The following CUX1 variants were observed in gnomAD, a reference collection of about 807,000 sequenced individuals.
CUX1 encodes cut like homeobox 1, also known as protein CASP.
In CUX1, 31 loss-of-function variants were observed where a neutral mutation model predicts 158.8. The ratio of observed to expected loss-of-function variants is 0.20; its 90% CI spans 0.15 to 0.26. The LOEUF is 0.26. CUX1 is among the 10% of genes least tolerant of loss of function. CUX1 has a pLI of 1.00. For missense variants in CUX1, 1,589 were observed against 2,014.6 expected, an observed-to-expected ratio of 0.79 and a Z score of 4.04; for synonymous variants, 879 against 862.1, an observed-to-expected ratio of 1.02 and a Z score of -0.34.
At chr7:101,823,867 C>G (rs892182985) in intron 1 of CUX1, among the ~76,000 whole-genome samples, 13 of 152,116 alleles carry the variant, frequency 8.5e-5, no homozygotes, top group Non-Finnish European at 1.5e-4. Context: ...GTGTTGACAG[C>G]TTTTTGTTAA....
At chr7:102,243,860 T>C (rs1178307907) in intron 23 of CUX1, among the ~76,000 whole-genome samples, 1 of 151,580 alleles carries the variant, frequency 6.6e-6, no homozygotes, top group Non-Finnish European at 1.5e-5. Flanking sequence ...AAACCCTGCC[T>C]CTACTAAAAA....
chr7:101,882,193 A>T (rs1799789948), intron 1 of CUX1, among the ~76,000 whole-genome samples: 2 of 152,142 alleles, frequency 1.3e-5, no homozygotes. Flanking sequence ...TCAAAAACAA[A>T]CAAACAAAAA....
chr7:101,874,586 G>A (rs1225668280), intron 1 of CUX1, among the ~76,000 whole-genome samples: 2 of 152,112 alleles, frequency 1.3e-5, no homozygotes, highest in Non-Finnish European at 1.5e-5. Context: ...GGTGGTGGGC[G>A]GTATCATCCT....
Position 101,916,075 on chromosome 7 carries a change from C to T in CUX1, c.31-40C>T. 7.3e-7 allele frequency: 1 copy of T among 1,377,966 alleles called. No individual in the cohort carries two copies. Among genetic ancestry groups the T allele is most frequent in the Non-Finnish European group, 1.0e-6 (1 of 965,460 alleles). The allele number at this position is 1,377,966 out of a possible 1,614,324, so 85.4% of individuals were successfully genotyped here. On this transcript the variant is annotated intron_variant, in intron 1 of 23. Coordinates refer to ENST00000292535, the MANE Select transcript of CUX1 (RefSeq NM_181552.4). This position sits in a 1 kb window ranked among gnomAD's most constrained non-coding sequence, Gnocchi z 4.4. ...TAGGACCCTCCTCTAGTACACAGTG[C>T]AATTACAATCTCACTTTTCCTTTCC... is the stretch of plus-strand genomic sequence containing the variant.
chr7:102,236,050 CTGCT>C (rs1333084849), intron 22 of CUX1, among the ~76,000 whole-genome samples: 2 of 152,236 alleles, frequency 1.3e-5, no homozygotes, highest in Non-Finnish European at 2.9e-5. Flanking sequence ...CCACACGACT[CTGCT>C]TAGATGTCCT....
chr7:101,882,081 G>T (rs1457869391), intron 1 of CUX1, among the ~76,000 whole-genome samples: 4 of 152,060 alleles, frequency 2.6e-5, no homozygotes, highest in African/African-American at 4.8e-5. Flanking sequence ...CTCCTCGGGA[G>T]GCTGAGGTGG....
At chr7:102,107,983 G>A (rs568184956) in intron 6 of CUX1, among the ~76,000 whole-genome samples, 2 of 152,320 alleles carry the variant, frequency 1.3e-5, no homozygotes, top group South Asian at 4.1e-4. Context: ...GGACAGATGG[G>A]CAGACCCTTG....
intron 3 of CUX1, among the ~76,000 whole-genome samples, chr7:102,036,725 G>C (rs558696532): frequency 6.7e-6 from 1 of 148,414 alleles, no homozygotes; most frequent in Non-Finnish European, 1.5e-5. Flanking sequence ...CTGGCCCACA[G>C]AGTGAGACTC....
At chr7:101,928,707 G>A (rs1453844536) in intron 2 of CUX1, among the ~76,000 whole-genome samples, 1 of 139,166 alleles carries the variant, frequency 7.2e-6, no homozygotes, top group Non-Finnish European at 1.5e-5. Flanking sequence ...GTCTCGCTCT[G>A]TCACCCAGGC....
intron 8 of CUX1, chr7:102,115,597 C>G (rs1831359711): frequency 4.2e-6 from 1 of 237,092 alleles, no homozygotes. Flanking sequence ...GTCTTTTTCG[C>G]TGGGCCACAG....
rs531920737 is a variant in CUX1, at chr7:101,938,393, C to T, written c.141+22168C>T. On this transcript the variant is annotated intron_variant, in intron 2 of 23. Coordinates refer to ENST00000292535, the MANE Select transcript of CUX1 (RefSeq NM_181552.4). ...AAGTGCTGTAGTTACAGGCATGAGC[C>T]ACTGTGCCTGGCCGATATCCACCAT... 2.8e-3 allele frequency among the ~76,000 whole-genome samples: 419 copies of T among 152,266 alleles called. 1 individual carries two copies. The highest frequency in any genetic ancestry group is 5.0e-3 in the Non-Finnish European group (343 of 68,012).
chr7:101,965,202 C>T (rs988737841), intron 2 of CUX1, among the ~76,000 whole-genome samples: 1 of 152,194 alleles, frequency 6.6e-6, no homozygotes, highest in Non-Finnish European at 1.5e-5. Flanking sequence ...CACCGCTTTG[C>T]AGTTTGTGAC....
chr7:102,062,281 G>T (rs1824972726), intron 3 of CUX1, among the ~76,000 whole-genome samples: 1 of 152,160 alleles, frequency 6.6e-6, no homozygotes, highest in Admixed American at 6.5e-5. Flanking sequence ...CTCCTCCAGG[G>T]AGCCTAGATG....
intron 9 of CUX1, among the ~76,000 whole-genome samples, chr7:102,169,552 C>T (rs538568649): frequency 2.5e-4 from 38 of 152,360 alleles, no homozygotes; most frequent in African/African-American, 7.7e-4. Context: ...CGACCTCTGC[C>T]TGAGTTGTGT....
intron 2 of CUX1, among the ~76,000 whole-genome samples, chr7:101,974,010 C>T (rs1258631304): frequency 6.6e-6 from 1 of 151,676 alleles, no homozygotes; most frequent in African/African-American, 2.4e-5. Context: ...CCTCGTGATC[C>T]ACTCGCCTCA....
At chr7:101,946,948 A>G (rs1585059423) in intron 2 of CUX1, among the ~76,000 whole-genome samples, 2 of 152,156 alleles carry the variant, frequency 1.3e-5, no homozygotes, top group South Asian at 2.1e-4. Context: ...AACAGTGCAC[A>G]GGGAGAGGAG....
At position 102,202,070 on chromosome 7, in the gene CUX1, C is replaced by G; in HGVS notation, c.2773C>G (p.Pro925Ala). The G allele has an allele frequency of 6.2e-7, 1 of 1,614,156 alleles. No individual in the cohort carries two copies. Among genetic ancestry groups the G allele is most frequent in the Non-Finnish European group, 8.5e-7 (1 of 1,180,028 alleles). The change falls in exon 18 of 24, where the codon CCC (proline) becomes GCC (alanine). Residue 925 changes from proline to alanine, a missense_variant. Pro to Ala is a conservative substitution (Grantham distance 27). Transcript: ENST00000292535. The stretch of plus-strand genomic sequence containing the variant: ...CGTGCCCATGTCCAAGCCCACCAAG[C>G]CCTCGGTCCCCCCGCTGACCCCCGA... Reference protein sequence around the residue: ...PIVPMSKPTKPSVPPLTPEQY... With the variant: ...PIVPMSKPTKASVPPLTPEQY...
chr7:102,114,829 T>C lies in CUX1; in HGVS notation c.608-378T>C, dbSNP rs1831276919. Among the ~76,000 whole-genome samples, 7 of 152,096 alleles carry C rather than the reference T, an allele frequency of 4.6e-5. No individual in the cohort carries two copies. In the South Asian group the frequency reaches 1.5e-3, roughly 32 times the overall value. On this transcript the variant is annotated intron_variant, in intron 7 of 23. Transcript: ENST00000292535. ...CCAGGAGTTAAAGGTTGCAGTAAGC[T>C]GTGATTGTGCCATTATACTCCAGCC...
intron 8 of CUX1, among the ~76,000 whole-genome samples, chr7:102,150,455 C>G (rs1367743140): frequency 6.6e-6 from 1 of 152,152 alleles, no homozygotes. Context: ...TGGGCCCGGC[C>G]GAGACTATTG....
Sources: gnomAD v4.1 joint callset for allele counts (sites outside exome capture counted in the v4.1 genomes callset) on GRCh38, gnomAD v4.1.1 for gene constraint, Gnocchi (gnomAD v3.1) non-coding constraint, MANE v1.5 for transcripts, NCBI Gene and HGNC (gene_info 2026-07-23, HGNC 2026-07-21) for gene names.